PYCR3: variants seen among roughly 807,000 people sequenced by gnomAD.
PYCR3 encodes the protein pyrroline-5-carboxylate reductase 3.
Under a neutral mutation model 23.4 loss-of-function variants are expected in PYCR3, and 26 were observed. That is an observed-to-expected ratio of 1.11 (90% CI 0.81 to 1.54). The LOEUF is 1.54. Ranked by LOEUF, PYCR3 falls within the 40% of genes most tolerant of loss-of-function variation. The pLI, the probability that PYCR3 is intolerant of heterozygous loss-of-function variation, is 0.00. For synonymous variants in PYCR3, 194 were observed against 162.6 expected (o/e 1.19, Z -1.47); for missense variants, 360 against 376.3 (o/e 0.96, Z 0.36).
intron 1 of PYCR3, chr8:143,608,394 G>A (rs978204948): frequency 4.0e-6 from 2 of 498,516 alleles, no homozygotes; most frequent in Non-Finnish European, 7.2e-6. Context: ...CAGATCCCTG[G>A]GGCCTCTGCC....
chr8:143,608,275 C>T (rs1829456951), intron 1 of PYCR3, 149 bp from the exon 2 acceptor site: 2 of 621,526 alleles, frequency 3.2e-6, no homozygotes, highest in Admixed American at 2.9e-5. Context: ...AAGCGGGATG[C>T]ACCATTCACT....
At position 143,604,915 on chromosome 8, in the gene PYCR3, T is replaced by G. The variant is rs1317864554; in HGVS notation, c.*785A>C. On this transcript the variant is annotated 3_prime_UTR_variant, in exon 6 of 6. Transcript: ENST00000495276. ...AGCCACCTGGCCACTTGTCAGGAGC[T>G]TAGGATTGGGAGGAAAGAGGGAGCC... The G allele has an allele frequency of 2.0e-6, 1 of 510,564 alleles. No homozygotes were observed. Among genetic ancestry groups the G allele is most frequent in the Non-Finnish European group, 3.9e-6 (1 of 256,336 alleles). 31.6% of individuals were successfully genotyped at this position (510,564 alleles called of 1,614,324 possible). A position where few individuals can be genotyped will look rare whatever the true frequency, so the allele number is the denominator to read the frequency against.
intron 2 of PYCR3, among the ~76,000 whole-genome samples, chr8:143,607,404 C>T (rs1454117648): frequency 3.3e-5 from 5 of 152,210 alleles, no homozygotes; most frequent in African/African-American, 1.2e-4. Flanking sequence ...GCAAACACAC[C>T]CATGCACATG....
intron 1 of PYCR3, chr8:143,608,447 T>C (rs1384086147): frequency 1.1e-4 from 44 of 418,128 alleles, no homozygotes; most frequent in South Asian, 1.0e-3. Context: ...AGGCAGTACC[T>C]CTGGAGGAAC....
At chr8:143,606,434 G>T (rs751361776) in intron 4 of PYCR3, 33 bp downstream of exon 4, 2 of 1,605,112 alleles carry the variant, frequency 1.2e-6, no homozygotes, top group Admixed American at 1.7e-5. Flanking sequence ...CTTTGCCGAG[G>T]GTGGGGCCGG....
chr8:143,606,331 C>T (rs1829397142), intron 4 of PYCR3, 136 bp downstream of exon 4: 1 of 1,103,666 alleles, frequency 9.1e-7, no homozygotes. Context: ...CGGGGACAAG[C>T]AGAGCTCCCA....
At position 143,605,745 on chromosome 8, in the gene PYCR3, G is replaced by T. The variant is rs377538024; in HGVS notation, c.780C>A (p.Ala260=). 2.9e-5 allele frequency: 47 copies of T among 1,608,600 alleles called. No individual in the cohort carries two copies. In the South Asian group the frequency reaches 4.4e-4, roughly 15 times the overall value. ...QGGLRAATMS[A]VEAATCRAKE... ...TGGCCCGGCAGGTGGCAGCCTCCACGGCGCTCATGGTGGCTGCTCGCAGCC... is the reference window on the plus strand; with the variant it reads ...TGGCCCGGCAGGTGGCAGCCTCCACTGCGCTCATGGTGGCTGCTCGCAGCC... The change falls in exon 6 of 6, where the codon GCC becomes GCA. Residue 260 remains alanine (A), a synonymous_variant. Transcript: ENST00000495276.
chr8:143,609,124 C>T (rs1305415207), intron 1 of PYCR3, among the ~76,000 whole-genome samples: 2 of 152,322 alleles, frequency 1.3e-5, no homozygotes, highest in Middle Eastern at 3.4e-3. Context: ...GCCCAGGTGT[C>T]CCTAGAGCCA....
rs781323357 is a variant in PYCR3 at position 143,606,575 on chromosome 8, G to C, written c.441C>G (p.Ser147Arg). ...VMARGRHVGS[S>R]ETKLLQHLLE... ...GCAGATGCTGCAGGAGCTTGGTCTC[G>C]CTGCTCCCCACGTGGCGGCCCCGCG... is the stretch of plus-strand genomic sequence containing the variant. The change falls in exon 4 of 6, where the codon AGC becomes AGG. Residue 147 changes from serine (S) to arginine (R), a missense_variant. Physicochemically the swap from Ser to Arg is moderately radical, Grantham distance 110 (BLOSUM62 -1). Transcript: ENST00000495276. 3 of 1,612,612 alleles carry C rather than the reference G, an allele frequency of 1.9e-6. No individual in the cohort carries two copies. In the African/African-American group the frequency reaches 4.0e-5, roughly 22 times the overall value.
chr8:143,606,322 G>T, intron 4 of PYCR3, 145 bp downstream of exon 4: 1 of 1,088,340 alleles, frequency 9.2e-7, no homozygotes. Context: ...GTGAAGTCCC[G>T]GGGACAAGCA....
Position 143,606,574 on chromosome 8 carries a change from C to T in PYCR3, c.442G>A (p.Glu148Lys), listed in dbSNP as rs200835945. 2.0e-5 allele frequency: 32 copies of T among 1,612,686 alleles called. No individual in the cohort carries two copies. Among genetic ancestry groups the T allele is most frequent in the Middle Eastern group, 1.6e-4 (1 of 6,084 alleles). ...AGCAGATGCTGCAGGAGCTTGGTCT[C>T]GCTGCTCCCCACGTGGCGGCCCCGC... is the stretch of plus-strand genomic sequence containing the variant. Reference protein sequence around the residue: ...MARGRHVGSSETKLLQHLLEA... With the variant: ...MARGRHVGSSKTKLLQHLLEA... The change falls in exon 4 of 6, where the codon GAG becomes AAG. Residue 148 changes from glutamate to lysine, a missense_variant. Glu to Lys is a moderately conservative substitution (Grantham distance 56). Transcript: ENST00000495276.
At chr8:143,608,503 C>T (rs1456876387) in intron 1 of PYCR3, 1 of 336,734 alleles carries the variant, frequency 3.0e-6, no homozygotes, top group African/African-American at 2.2e-5. Flanking sequence ...AGTTGATTGG[C>T]CACAGAAGGC....
chr8:143,608,240 GCCCCCTCCTGGCC>G, intron 1 of PYCR3, 114 bp from the exon 2 acceptor site: 2 of 779,520 alleles, frequency 2.6e-6, no homozygotes, highest in Non-Finnish European at 4.3e-6. Context: ...CCCATCCTGG[GCCCCCTCCTGGCC>G]CCAGGAACCC....
At position 143,606,956 on chromosome 8, in the gene PYCR3, C is replaced by T; in HGVS notation, c.333G>A (p.Glu111=). 2.5e-6 allele frequency: 4 copies of T among 1,600,348 alleles called. No homozygotes were observed. Among genetic ancestry groups the T allele is most frequent in the Non-Finnish European group, 3.4e-6 (4 of 1,170,644 alleles). ...CCTTAGCCCAAGGGACACTCACCTC[C>T]TCCAGGGTGCTCAGAGACACCCCAG... ...VAAGVSLSTL[E]ELLPPNTRVL... Residue 111 remains glutamate (E), a synonymous_variant, in exon 3 of 6, where the codon GAG becomes GAA. Coordinates refer to ENST00000495276, the MANE Select transcript of PYCR3 (RefSeq NM_023078.6).
At chr8:143,607,516 A>G (rs4874169) in intron 2 of PYCR3, among the ~76,000 whole-genome samples, 127,464 of 152,012 alleles carry the variant, frequency 0.84, 54,854 homozygotes, top group Non-Finnish European at 0.93. Flanking sequence ...GCACAAACAC[A>G]TGCACACACA....
At chr8:143,606,273 CG>C in intron 4 of PYCR3, 119 bp from the exon 5 acceptor site, 1 of 1,154,670 alleles carries the variant, frequency 8.7e-7, no homozygotes, top group South Asian at 1.4e-5. Flanking sequence ...CTGAGCCCAA[CG>C]GTCTGCAAAG....
In PYCR3 at chr8:143,609,449, C is replaced by A. The variant is rs754717911; in HGVS notation, c.91+9G>T. On this transcript the variant is annotated intron_variant, in intron 1 of 5. Coordinates refer to ENST00000495276, the MANE Select transcript of PYCR3 (RefSeq NM_023078.6). ...TCCAGACCGCAGGCCTAGCCCCGCGCCGCCCCACCTGCTCTGATGAGGCCC... is the reference window on the plus strand; with the variant it reads ...TCCAGACCGCAGGCCTAGCCCCGCGACGCCCCACCTGCTCTGATGAGGCCC... 1.3e-5 allele frequency: 20 copies of A among 1,496,634 alleles called. No individual in the cohort carries two copies. Among genetic ancestry groups the A allele is most frequent in the Non-Finnish European group, 8.8e-7 (1 of 1,131,760 alleles). 92.7% of individuals were successfully genotyped at this position (1,496,634 alleles called of 1,614,324 possible). A position where few individuals can be genotyped will look rare whatever the true frequency, so the allele number is the denominator to read the frequency against.
chr8:143,607,770 T>C (rs111847731), intron 2 of PYCR3, among the ~76,000 whole-genome samples: 2 of 138,040 alleles, frequency 1.4e-5, no homozygotes, highest in South Asian at 2.3e-4. Context: ...AGCACATACA[T>C]ACACACATGC....
chr8:143,608,547 T>G (rs1829461895), intron 1 of PYCR3: 1 of 310,602 alleles, frequency 3.2e-6, no homozygotes, highest in Non-Finnish European at 6.3e-6. Flanking sequence ...AGAGGGAGAG[T>G]CTATGCTGGA....
Sources: gnomAD v4.1 joint callset for allele counts (sites outside exome capture counted in the v4.1 genomes callset) on GRCh38, gnomAD v4.1.1 for gene constraint, MANE v1.5 for transcripts, NCBI Gene and HGNC (gene_info 2026-07-23, HGNC 2026-07-21) for gene names.